The following EXOC4 variants were observed in gnomAD, a reference collection of about 807,000 sequenced individuals.
EXOC4 encodes SEC8-like 1.
Under a neutral mutation model 107.2 loss-of-function variants are expected in EXOC4, and 71 were observed. The observed-to-expected ratio is 0.66, with a 90% CI of 0.55 to 0.81. The LOEUF (loss-of-function observed/expected upper bound fraction) is 0.81, where lower values mean the gene tolerates loss of function less well. Among genes scored for constraint, EXOC4 ranks in the 30% least tolerant of loss-of-function variants. The pLI is 0.00. For missense variants in EXOC4, 1,108 were observed against 1,189.6 expected (o/e 0.93, Z 1.01); for synonymous variants, 456 against 441.2 (o/e 1.03, Z -0.42).
chr7:133,380,543 G>T (rs531084345), intron 7 of EXOC4, among the ~76,000 whole-genome samples: 47 of 152,210 alleles, frequency 3.1e-4, no homozygotes, highest in Non-Finnish European at 5.3e-4. Flanking sequence ...TCTAGGCCTA[G>T]CCTGTTAGGT....
chr7:133,716,342 A>T (rs551102701), intron 10 of EXOC4, among the ~76,000 whole-genome samples: 1 of 152,340 alleles, frequency 6.6e-6, no homozygotes, highest in African/African-American at 2.4e-5. Context: ...TAGAGCTGAA[A>T]TACTTGTATA....
intron 10 of EXOC4, among the ~76,000 whole-genome samples, chr7:133,718,627 T>A (rs1268960686): frequency 6.6e-6 from 1 of 152,210 alleles, no homozygotes; most frequent in African/African-American, 2.4e-5. Context: ...ACTCACTGGC[T>A]ATGTAACCTG....
At chr7:133,634,498 G>GT (rs1450569848) in intron 10 of EXOC4, among the ~76,000 whole-genome samples, 3 of 150,866 alleles carry the variant, frequency 2.0e-5, no homozygotes, top group Non-Finnish European at 4.4e-5. Context: ...TTTGTTTTTT[G>GT]TTTTTTAAAT....
chr7:133,659,706 A>C (rs1803393331), intron 10 of EXOC4, among the ~76,000 whole-genome samples: 1 of 152,130 alleles, frequency 6.6e-6, no homozygotes, highest in Non-Finnish European at 1.5e-5. Flanking sequence ...ATTTCTATAC[A>C]TATTGAAGTT....
chr7:133,917,667 A>T lies in EXOC4; in HGVS notation c.1956A>T (p.Leu652=). ...ATATCAGCAGACTCTTGAAATCTCT[A>T]CCAAACTGGATGAATATGGCTCAAC... The part of the protein sequence containing the change: ...DDDISRLLKS[L]PNWMNMAQPK... Residue 652 remains leucine, a synonymous_variant, in exon 13 of 18, where the codon CTA becomes CTT. Transcript: ENST00000253861. 6.2e-7 allele frequency: 1 copy of T among 1,614,086 alleles called. No homozygotes were observed. The highest frequency in any genetic ancestry group is 8.5e-7 in the Non-Finnish European group (1 of 1,179,980).
intron 9 of EXOC4, among the ~76,000 whole-genome samples, chr7:133,603,287 A>G (rs1177694242): frequency 6.6e-6 from 1 of 152,116 alleles, no homozygotes; most frequent in Non-Finnish European, 1.5e-5. Flanking sequence ...GCCTGTCTGG[A>G]TTGATTTAGA....
intron 7 of EXOC4, among the ~76,000 whole-genome samples, chr7:133,451,110 C>T (rs1049911049): frequency 7.9e-5 from 12 of 152,138 alleles, no homozygotes; most frequent in African/African-American, 2.7e-4. Context: ...CAACACAAAC[C>T]ATTCAGTATA....
intron 9 of EXOC4, among the ~76,000 whole-genome samples, chr7:133,523,591 C>G (rs1056231104): frequency 2.0e-5 from 3 of 151,996 alleles, no homozygotes; most frequent in East Asian, 1.9e-4. Context: ...ATCCCTCCCC[C>G]CTTCCCCCAC....
intron 7 of EXOC4, among the ~76,000 whole-genome samples, chr7:133,378,450 T>C (rs1796540427): frequency 6.6e-6 from 1 of 152,072 alleles, no homozygotes; most frequent in South Asian, 2.1e-4. Context: ...CCCACATTTC[T>C]TGATTTATTT....
At chr7:133,485,444 T>A (rs1035685133) in intron 9 of EXOC4, among the ~76,000 whole-genome samples, 2 of 152,094 alleles carry the variant, frequency 1.3e-5, no homozygotes, top group East Asian at 3.9e-4. Flanking sequence ...CCAGATGATC[T>A]CAGCCAAGAC....
At chr7:133,515,531 A>C (rs1037447973) in intron 9 of EXOC4, among the ~76,000 whole-genome samples, 1 of 152,084 alleles carries the variant, frequency 6.6e-6, no homozygotes, top group African/African-American at 2.4e-5. Flanking sequence ...TACAGTGACA[A>C]GGTCATAGAT....
At chr7:133,275,456 C>T (rs541721416) in intron 2 of EXOC4, among the ~76,000 whole-genome samples, 14 of 152,256 alleles carry the variant, frequency 9.2e-5, no homozygotes, top group African/African-American at 2.6e-4. Flanking sequence ...TTGTGTCTTA[C>T]GATCCATCCC....
the EXOC4 span, among the ~76,000 whole-genome samples, chr7:134,085,221 G>T: frequency 6.6e-6 from 1 of 151,960 alleles, no homozygotes; most frequent in Non-Finnish European, 1.5e-5. Context: ...CATCATAACT[G>T]GTAATTGCAG....
At position 133,627,954 on chromosome 7, in the gene EXOC4, C is replaced by T. The variant is rs539564439; in HGVS notation, c.1418-2091C>T. ...TGATCCAGGGTATGGATTTCTGAAG[C>T]TTCACATGTTTTTATCAGTCGATTT... On this transcript the variant is annotated intron_variant, in intron 9 of 17. Coordinates refer to ENST00000253861, the MANE Select transcript of EXOC4 (RefSeq NM_021807.4). Among the ~76,000 whole-genome samples, 6 of 152,268 alleles carry T rather than the reference C, an allele frequency of 3.9e-5. No homozygotes were observed. In the South Asian group the frequency reaches 1.2e-3, roughly 32 times the overall value.
chr7:133,708,540 C>G (rs989939565), intron 10 of EXOC4, among the ~76,000 whole-genome samples: 1 of 152,062 alleles, frequency 6.6e-6, no homozygotes, highest in African/African-American at 2.4e-5. Context: ...GATTCCCTGC[C>G]GTTGTAGAGG....
intron 9 of EXOC4, among the ~76,000 whole-genome samples, chr7:133,596,007 C>G (rs1801660991): frequency 6.6e-6 from 1 of 152,160 alleles, no homozygotes; most frequent in Admixed American, 6.5e-5. Flanking sequence ...CTTTTCCCCA[C>G]ACTCCCATTT....
chr7:134,001,317 C>G (rs957960482), intron 15 of EXOC4, among the ~76,000 whole-genome samples: 56 of 152,112 alleles, frequency 3.7e-4, no homozygotes, highest in African/African-American at 1.3e-3. Context: ...TAAGTGTGCA[C>G]TCTCTGAAAA....
chr7:133,853,485 C>A (rs1194205352), intron 11 of EXOC4, among the ~76,000 whole-genome samples: 2 of 151,992 alleles, frequency 1.3e-5, no homozygotes, highest in Non-Finnish European at 2.9e-5. Flanking sequence ...CCCACCTCAA[C>A]TTCTTGAGTA....
intron 11 of EXOC4, among the ~76,000 whole-genome samples, chr7:133,822,981 A>G (rs1797559656): frequency 3.3e-5 from 5 of 152,196 alleles, no homozygotes; most frequent in Admixed American, 3.3e-4. Context: ...CTAGTCTAGC[A>G]CATTGATTTT....
Sources: gnomAD v4.1 joint callset for allele counts (sites outside exome capture counted in the v4.1 genomes callset) on GRCh38, gnomAD v4.1.1 for gene constraint, MANE v1.5 for transcripts, NCBI Gene and HGNC (gene_info 2026-07-23, HGNC 2026-07-21) for gene names.